Variants in SLC4A10 observed in about 807,000 individuals in gnomAD.
SLC4A10 encodes sodium-driven chloride bicarbonate exchanger.
A neutral mutation model predicts 137.7 loss-of-function variants in SLC4A10; 42 were observed. The ratio of observed to expected loss-of-function variants is 0.30; its 90% CI spans 0.24 to 0.39. SLC4A10 has a LOEUF of 0.39. Ranked by LOEUF, SLC4A10 falls within the 10% of genes least tolerant of loss-of-function variation. The pLI is 1.00. For missense variants in SLC4A10, 925 were observed against 1,355.0 expected, an observed-to-expected ratio of 0.68 and a Z score of 4.98; for synonymous variants, 474 against 464.1, an observed-to-expected ratio of 1.02 and a Z score of -0.27.
intron 1 of SLC4A10, among the ~76,000 whole-genome samples, chr2:161,722,121 G>A (rs569244664): frequency 1.3e-5 from 2 of 152,300 alleles, no homozygotes; most frequent in Admixed American, 1.3e-4. Context: ...CATTGGGTTA[G>A]AACGTACTCC....
intron 6 of SLC4A10, among the ~76,000 whole-genome samples, chr2:161,866,112 A>G (rs1360164027): frequency 6.6e-6 from 1 of 152,022 alleles, no homozygotes; most frequent in Admixed American, 6.6e-5. Context: ...TATCTCAAAA[A>G]CAAATTGAAG....
At chr2:161,712,923 G>A (rs773790005) in intron 1 of SLC4A10, among the ~76,000 whole-genome samples, 1 of 151,786 alleles carries the variant, frequency 6.6e-6, no homozygotes, top group South Asian at 2.1e-4. Flanking sequence ...ATTGTACTGG[G>A]CAAGGATATA....
chr2:161,694,338 A>T (rs560728760), intron 1 of SLC4A10, among the ~76,000 whole-genome samples: 1 of 151,852 alleles, frequency 6.6e-6, no homozygotes, highest in South Asian at 2.1e-4. Flanking sequence ...ATGCATAGGT[A>T]TTTTTTTCCC....
At chr2:161,799,021 C>T (rs1279485590) in intron 2 of SLC4A10, among the ~76,000 whole-genome samples, 1 of 151,158 alleles carries the variant, frequency 6.6e-6, no homozygotes, top group Non-Finnish European at 1.5e-5. Flanking sequence ...GTGTTCTCTG[C>T]TTATCTCAAA....
chr2:161,709,072 G>A (rs1439298693), intron 1 of SLC4A10, among the ~76,000 whole-genome samples: 2 of 150,884 alleles, frequency 1.3e-5, no homozygotes, highest in African/African-American at 4.9e-5. Flanking sequence ...TGGGGGAGAG[G>A]GCGGTAAAGG....
At chr2:161,717,468 C>G (rs537826519) in intron 1 of SLC4A10, among the ~76,000 whole-genome samples, 5 of 152,244 alleles carry the variant, frequency 3.3e-5, no homozygotes, top group African/African-American at 1.2e-4. Context: ...TATGTTCCTT[C>G]AAACCTAGTT....
intron 3 of SLC4A10, among the ~76,000 whole-genome samples, chr2:161,818,671 A>G (rs536484514): frequency 6.6e-6 from 1 of 152,132 alleles, no homozygotes; most frequent in Non-Finnish European, 1.5e-5. Flanking sequence ...TAATTTATTG[A>G]GAGTTTTTAG....
chr2:161,760,844 A>C (rs2125357669), intron 1 of SLC4A10, among the ~76,000 whole-genome samples: 1 of 152,092 alleles, frequency 6.6e-6, no homozygotes, highest in South Asian at 2.1e-4. Flanking sequence ...ATAGTACATA[A>C]GAATATATCA....
chr2:161,763,835 A>G (rs1340159695), intron 1 of SLC4A10, among the ~76,000 whole-genome samples: 1 of 152,136 alleles, frequency 6.6e-6, no homozygotes, highest in African/African-American at 2.4e-5. Context: ...TAGAGGATAT[A>G]TGGTACATCA....
intron 1 of SLC4A10, among the ~76,000 whole-genome samples, chr2:161,685,592 A>T (rs1291434158): frequency 6.7e-6 from 1 of 149,102 alleles, no homozygotes; most frequent in African/African-American, 2.5e-5. Flanking sequence ...TGGGTGACAG[A>T]GGGAGAGTCT....
At chr2:161,749,055 T>C (rs773636042) in intron 1 of SLC4A10, among the ~76,000 whole-genome samples, 18 of 152,026 alleles carry the variant, frequency 1.2e-4, no homozygotes, top group Admixed American at 2.0e-4. Flanking sequence ...AATGAGGTTG[T>C]TTTCTTGATT....
chr2:161,628,441 A>G (rs2032882540), intron 1 of SLC4A10, among the ~76,000 whole-genome samples: 1 of 152,094 alleles, frequency 6.6e-6, no homozygotes, highest in Admixed American at 6.6e-5. Flanking sequence ...GAAAATGCTA[A>G]TTCCATATTT....
At chr2:161,929,308 A>G (rs764468295) in intron 15 of SLC4A10, among the ~76,000 whole-genome samples, 2 of 152,216 alleles carry the variant, frequency 1.3e-5, no homozygotes, top group Non-Finnish European at 2.9e-5. Flanking sequence ...ATTTGAATTC[A>G]TGACAATGCT....
chr2:161,963,438 T>C (rs1443228309), intron 21 of SLC4A10, among the ~76,000 whole-genome samples: 1 of 152,132 alleles, frequency 6.6e-6, no homozygotes, highest in Non-Finnish European at 1.5e-5. Flanking sequence ...ATCAAGAAAT[T>C]AAATAGAGTT....
chr2:161,834,958 T>A (rs1321511391), intron 3 of SLC4A10, among the ~76,000 whole-genome samples: 1 of 152,084 alleles, frequency 6.6e-6, no homozygotes, highest in Non-Finnish European at 1.5e-5. Context: ...CTAACTGACA[T>A]CGGTCCATTT....
At chr2:161,921,970 C>T (rs1204955619) in intron 15 of SLC4A10, among the ~76,000 whole-genome samples, 3 of 152,098 alleles carry the variant, frequency 2.0e-5, no homozygotes, top group African/African-American at 7.2e-5. Context: ...ATAAGGCTGC[C>T]TGCTATGGGC....
chr2:161,686,379 C>A (rs1278619902), intron 1 of SLC4A10, among the ~76,000 whole-genome samples: 1 of 151,966 alleles, frequency 6.6e-6, no homozygotes, highest in African/African-American at 2.4e-5. Context: ...TTTCAAATAT[C>A]AATTTATTAA....
At chr2:161,628,081 G>A (rs951881870) in intron 1 of SLC4A10, among the ~76,000 whole-genome samples, 2 of 152,046 alleles carry the variant, frequency 1.3e-5, no homozygotes, top group Non-Finnish European at 2.9e-5. Context: ...AATGGAATTA[G>A]CCTTTTAAAA....
At chr2:161,833,089 G>T (rs942724375) in intron 3 of SLC4A10, among the ~76,000 whole-genome samples, 2 of 152,332 alleles carry the variant, frequency 1.3e-5, no homozygotes, top group East Asian at 3.9e-4. Context: ...TACCTACAGT[G>T]AGCATGAGAG....
Sources: gnomAD v4.1 joint callset for allele counts (sites outside exome capture counted in the v4.1 genomes callset) on GRCh38, gnomAD v4.1.1 for gene constraint, MANE v1.5 for transcripts, NCBI Gene and HGNC (gene_info 2026-07-23, HGNC 2026-07-21) for gene names.